The following CLASP2 variants were observed in gnomAD, a reference collection of about 807,000 sequenced individuals.
CLASP2 encodes the protein CLIP-associating protein 2.
In CLASP2, 47 loss-of-function variants were observed where a neutral mutation model predicts 194.4. The ratio of observed to expected loss-of-function variants is 0.24; its 90% confidence interval spans 0.19 to 0.31. The LOEUF is 0.31. CLASP2 is among the 10% of genes least tolerant of loss of function. The pLI is 1.00. For synonymous variants in CLASP2, 619 were observed against 633.5 expected, an observed-to-expected ratio of 0.98 and a Z score of 0.34; for missense variants, 1,445 against 1,823.6, an observed-to-expected ratio of 0.79 and a Z score of 3.78.
intron 1 of CLASP2, among the ~76,000 whole-genome samples, chr3:33,715,123 C>A (rs1360471595): frequency 6.6e-6 from 1 of 152,222 alleles, no homozygotes; most frequent in South Asian, 2.1e-4. Context: ...TTCAATCATT[C>A]TTGACTCTTA....
chr3:33,650,081 T>C (rs1248687188), intron 7 of CLASP2, among the ~76,000 whole-genome samples: 1 of 152,202 alleles, frequency 6.6e-6, no homozygotes. Flanking sequence ...CTTAAAATCC[T>C]AGAGTTATCA....
At chr3:33,524,195 A>T (rs2053887948) in intron 34 of CLASP2, among the ~76,000 whole-genome samples, 1 of 152,142 alleles carries the variant, frequency 6.6e-6, no homozygotes, top group African/African-American at 2.4e-5. Flanking sequence ...TCCTTTTGCA[A>T]ATAGTAATTA....
At chr3:33,604,759 C>T (rs2073344500) in intron 16 of CLASP2, among the ~76,000 whole-genome samples, 1 of 152,162 alleles carries the variant, frequency 6.6e-6, no homozygotes, top group African/African-American at 2.4e-5. Flanking sequence ...TCTACAGAGA[C>T]AGGGATCAGG....
At chr3:33,554,299 A>G (rs1169922057) in intron 29 of CLASP2, among the ~76,000 whole-genome samples, 1 of 152,068 alleles carries the variant, frequency 6.6e-6, no homozygotes, top group Admixed American at 6.6e-5. Flanking sequence ...AATGTGGTAT[A>G]TATACACAAT....
intron 26 of CLASP2, among the ~76,000 whole-genome samples, chr3:33,568,603 T>C (rs1317471033): frequency 6.9e-6 from 1 of 144,526 alleles, no homozygotes; most frequent in Non-Finnish European, 1.5e-5. Context: ...CCCTCACATT[T>C]TAATGTTCAT....
At chr3:33,717,739 C>G (rs2093363841) in intron 1 of CLASP2, 69 bp downstream of exon 1, 3 of 1,488,506 alleles carry the variant, frequency 2.0e-6, no homozygotes, top group African/African-American at 1.4e-5. Context: ...CCCGGCCCGG[C>G]GCTCGCGTCC....
chr3:33,515,702 T>A (rs1423727060), intron 36 of CLASP2, among the ~76,000 whole-genome samples: 1 of 152,142 alleles, frequency 6.6e-6, no homozygotes, highest in Non-Finnish European at 1.5e-5. Flanking sequence ...TTAGTTATTT[T>A]AAAAAATCAA....
chr3:33,587,200 A>G (rs2067599397), intron 21 of CLASP2, among the ~76,000 whole-genome samples: 1 of 151,230 alleles, frequency 6.6e-6, no homozygotes, highest in Non-Finnish European at 1.5e-5. Flanking sequence ...ATCTTGGCTC[A>G]CTGCACGCTC....
chr3:33,517,324 T>G (rs2051603018), intron 34 of CLASP2, 150 bp from the exon 35 acceptor site: 1 of 601,942 alleles, frequency 1.7e-6, no homozygotes. Context: ...AATCTTCTTT[T>G]CAATTTTGTC....
intron 29 of CLASP2, among the ~76,000 whole-genome samples, chr3:33,552,026 C>T (rs550603971): frequency 6.6e-6 from 1 of 151,018 alleles, no homozygotes; most frequent in East Asian, 1.9e-4. Context: ...AAATGCCTCC[C>T]AAAAGAACTG....
At chr3:33,657,600 T>TA (rs1559552113) in intron 7 of CLASP2, among the ~76,000 whole-genome samples, 2 of 151,410 alleles carry the variant, frequency 1.3e-5, no homozygotes, top group African/African-American at 4.8e-5. Flanking sequence ...TTTTTTTTTT[T>TA]AAAAAGGAAG....
intron 1 of CLASP2, among the ~76,000 whole-genome samples, chr3:33,702,641 C>T (rs928096986): frequency 8.6e-5 from 13 of 151,780 alleles, no homozygotes; most frequent in South Asian, 2.1e-4. Context: ...CAAAAAAACA[C>T]GATGAAGAAA....
chr3:33,528,366 C>T (rs2055199938), intron 34 of CLASP2, among the ~76,000 whole-genome samples: 1 of 152,152 alleles, frequency 6.6e-6, no homozygotes, highest in Non-Finnish European at 1.5e-5. Context: ...TGGAAGCAGT[C>T]CCCTTGAAAA....
At chr3:33,579,433 A>G (rs1018481751) in intron 23 of CLASP2, among the ~76,000 whole-genome samples, 2 of 152,230 alleles carry the variant, frequency 1.3e-5, no homozygotes, top group East Asian at 1.9e-4. Context: ...AAGTACAGAA[A>G]CACATTTTGG....
chr3:33,660,106 CAT>C (rs1450049057), intron 7 of CLASP2, among the ~76,000 whole-genome samples: 1 of 152,160 alleles, frequency 6.6e-6, no homozygotes, highest in African/African-American at 2.4e-5. Context: ...AAGAATTATG[CAT>C]AGTTTTTTTC....
chr3:33,706,257 AC>A (rs2092679246), intron 1 of CLASP2, among the ~76,000 whole-genome samples: 1 of 152,106 alleles, frequency 6.6e-6, no homozygotes, highest in Admixed American at 6.5e-5. Flanking sequence ...CAAAAAACAC[AC>A]AAAAAACACA....
intron 33 of CLASP2, among the ~76,000 whole-genome samples, chr3:33,536,836 T>C (rs1354141632): frequency 6.6e-6 from 1 of 152,174 alleles, no homozygotes; most frequent in African/African-American, 2.4e-5. Context: ...GTATGGAGGA[T>C]GAGAAAAACA....
chr3:33,597,830 G>A (rs2070888807), intron 18 of CLASP2, among the ~76,000 whole-genome samples: 1 of 149,652 alleles, frequency 6.7e-6, no homozygotes, highest in Non-Finnish European at 1.5e-5. Context: ...TCATCTCACT[G>A]CAGCCTCCAC....
chr3:33,554,400 C>G (rs1434242821), intron 29 of CLASP2, among the ~76,000 whole-genome samples: 1 of 151,980 alleles, frequency 6.6e-6, no homozygotes, highest in Non-Finnish European at 1.5e-5. Context: ...TGAAATAAGC[C>G]AGACATAGAA....
Sources: allele counts gnomAD v4.1 joint callset (sites outside exome capture counted in the v4.1 genomes callset), GRCh38; gene constraint gnomAD v4.1.1; transcripts MANE v1.5; gene names NCBI Gene and HGNC (gene_info 2026-07-23, HGNC 2026-07-21).